Variants in FNDC3A observed in about 807,000 individuals in gnomAD.
The protein encoded by FNDC3A is fibronectin type-III domain-containing protein 3A.
A neutral mutation model predicts 148.9 loss-of-function variants in FNDC3A; 32 were observed. The ratio of observed to expected loss-of-function variants is 0.21; its 90% confidence interval spans 0.16 to 0.29. FNDC3A has a LOEUF of 0.29. Ranked by LOEUF, FNDC3A falls within the 10% of genes least tolerant of loss-of-function variation. The pLI, the probability that FNDC3A is intolerant of heterozygous loss-of-function variation, is 1.00. For missense variants in FNDC3A, 1,191 were observed against 1,452.8 expected (o/e 0.82, Z 2.93); for synonymous variants, 472 against 473.6 (o/e 1.00, Z 0.04).
chr13:49,201,195 G>A (rs142771235), intron 23 of FNDC3A: 105 of 296,452 alleles, frequency 3.5e-4, no homozygotes, highest in African/African-American at 1.9e-3. Flanking sequence ...GGAGAAATAT[G>A]TATGATATTC....
chr13:48,994,646 C>T (rs1951988964), intron 1 of FNDC3A, among the ~76,000 whole-genome samples: 1 of 151,874 alleles, frequency 6.6e-6, no homozygotes, highest in Non-Finnish European at 1.5e-5. Flanking sequence ...GGCGTGGTGG[C>T]GCATGCCTGT....
intron 8 of FNDC3A, among the ~76,000 whole-genome samples, chr13:49,161,198 C>T (rs1467789900): frequency 6.6e-6 from 1 of 152,184 alleles, no homozygotes; most frequent in Non-Finnish European, 1.5e-5. Context: ...TCTTGTTGAT[C>T]TGTCTAATGT....
chr13:49,085,923 C>T (rs1878778401), intron 3 of FNDC3A, among the ~76,000 whole-genome samples: 1 of 151,058 alleles, frequency 6.6e-6, no homozygotes, highest in East Asian at 1.9e-4. Flanking sequence ...TACTGTCTTG[C>T]CCAGGCTGGA....
Position 49,009,007 on chromosome 13 carries a change from G to A in FNDC3A, c.99+2718G>A, listed in dbSNP as rs1413590191. Among the ~76,000 whole-genome samples the A allele has an allele frequency of 2.0e-5, 3 of 152,056 alleles. No individual in the cohort carries two copies. The East Asian group carries it at 5.8e-4, about 29-fold the overall frequency. ...GCGTTATTATTAAGTAAGGTCCATA[G>A]GGTTCACTCTTAGTGTTGTACAACA... On this transcript the variant is annotated intron_variant, in intron 2 of 25. Transcript: ENST00000492622.
In FNDC3A at chr13:49,198,587, A is replaced by C; in HGVS notation, c.2987+13A>C. 1 of 1,585,476 alleles carries C rather than the reference A, an allele frequency of 6.3e-7. No individual in the cohort carries two copies. The highest frequency in any genetic ancestry group is 8.7e-7 in the Non-Finnish European group (1 of 1,154,100). ...ATAAGAATGGACGGTAGGTTTTTTT[A>C]ATTGCTTCTTTATATAGTTTCTTAG... On this transcript the variant is annotated intron_variant, in intron 23 of 25. Transcript: ENST00000492622.
intron 4 of FNDC3A, 64 bp downstream of exon 4, chr13:49,114,795 C>T: frequency 8.8e-7 from 1 of 1,140,450 alleles, no homozygotes; most frequent in Non-Finnish European, 1.3e-6. Context: ...TTCTCTTTGA[C>T]TTTGATTTTG....
At chr13:49,131,029 G>C (rs1404099737) in intron 4 of FNDC3A, 108 bp from the exon 5 acceptor site, 1 of 803,688 alleles carries the variant, frequency 1.2e-6, no homozygotes, top group Admixed American at 2.0e-5. Context: ...GCCTCCCAAA[G>C]TGCTGGGACT....
intron 2 of FNDC3A, among the ~76,000 whole-genome samples, chr13:49,063,460 G>A (rs1276346523): frequency 1.3e-5 from 2 of 152,184 alleles, no homozygotes; most frequent in Non-Finnish European, 2.9e-5. Flanking sequence ...CAGGGTCGAG[G>A]ATTGTAAACC....
intron 10 of FNDC3A, among the ~76,000 whole-genome samples, chr13:49,171,381 T>C (rs1053391330): frequency 4.6e-5 from 7 of 152,204 alleles, no homozygotes; most frequent in Admixed American, 1.3e-4. Flanking sequence ...TATGGAGTTA[T>C]AATAAGAATA....
intron 14 of FNDC3A, among the ~76,000 whole-genome samples, chr13:49,181,551 A>G (rs1885304516): frequency 6.6e-6 from 1 of 152,230 alleles, no homozygotes; most frequent in African/African-American, 2.4e-5. Context: ...TGATGCTTGT[A>G]TGAAGTTCTA....
At chr13:49,091,053 C>G (rs183922980) in intron 3 of FNDC3A, among the ~76,000 whole-genome samples, 1 of 152,170 alleles carries the variant, frequency 6.6e-6, no homozygotes, top group African/African-American at 2.4e-5. Context: ...AAGACATAGG[C>G]TCTCAGAAGA....
At chr13:48,999,689 T>C (rs1341257035) in intron 1 of FNDC3A, among the ~76,000 whole-genome samples, 1 of 152,064 alleles carries the variant, frequency 6.6e-6, no homozygotes. Flanking sequence ...TATTAAGAGG[T>C]GGAGACTTTG....
chr13:49,019,172 T>A (rs957163671), intron 2 of FNDC3A, among the ~76,000 whole-genome samples: 8 of 152,402 alleles, frequency 5.2e-5, no homozygotes, highest in South Asian at 2.1e-4. Context: ...TGAGCAAGCC[T>A]GGGCAATGGC....
chr13:49,191,410 A>C, intron 19 of FNDC3A, 26 bp downstream of exon 19: 1 of 1,522,402 alleles, frequency 6.6e-7, no homozygotes, highest in East Asian at 2.3e-5. Flanking sequence ...TGGTAGAATT[A>C]TAATCACAAT....
chr13:49,099,316 C>T (rs1879720153), intron 3 of FNDC3A, among the ~76,000 whole-genome samples: 1 of 152,072 alleles, frequency 6.6e-6, no homozygotes, highest in Non-Finnish European at 1.5e-5. Context: ...CAAAATAAAT[C>T]ATTCTCTCTT....
intron 2 of FNDC3A, among the ~76,000 whole-genome samples, chr13:49,036,585 C>T (rs1042872430): frequency 2.0e-5 from 3 of 152,104 alleles, no homozygotes; most frequent in Admixed American, 6.6e-5. Context: ...AAAAACAGAT[C>T]GATGTCTAAA....
intron 2 of FNDC3A, among the ~76,000 whole-genome samples, chr13:49,019,776 G>A (rs1350276806): frequency 3.9e-5 from 6 of 152,218 alleles, no homozygotes; most frequent in Admixed American, 3.9e-4. Flanking sequence ...TCATGAGTGA[G>A]ACTGTCCTAT....
Position 49,145,793 on chromosome 13 carries a change from G to A in FNDC3A, c.835G>A (p.Ala279Thr), listed in dbSNP as rs1882959419. 1.2e-6 allele frequency: 2 copies of A among 1,613,694 alleles called. No homozygotes were observed. Among genetic ancestry groups the A allele is most frequent in the Non-Finnish European group, 8.5e-7 (1 of 1,179,862 alleles). ...IVKPVASDIQ[A>T]RTVVLTWSPP... ...ATTTTTACAGGCCTCCGACATCCAGGCAAGGACAGTAGTACTTACCTGGTC... is the reference window on the plus strand; with the variant it reads ...ATTTTTACAGGCCTCCGACATCCAGACAAGGACAGTAGTACTTACCTGGTC... Residue 279 changes from alanine to threonine, a missense_variant, in exon 8 of 26, where the codon GCA becomes ACA. Around this residue, in one of 3 missense-constraint regions of FNDC3A, gnomAD observed 426 missense variants for 473.2 expected, o/e 0.90. Coordinates refer to ENST00000492622, the MANE Select transcript of FNDC3A (RefSeq NM_001079673.2).
At chr13:49,180,536 T>G (rs905602469) in intron 14 of FNDC3A, among the ~76,000 whole-genome samples, 1 of 152,168 alleles carries the variant, frequency 6.6e-6, no homozygotes, top group Non-Finnish European at 1.5e-5. Flanking sequence ...TGTGATGATA[T>G]TGGATTGTAT....
Sources: gnomAD v4.1 joint callset for allele counts (sites outside exome capture counted in the v4.1 genomes callset) on GRCh38, gnomAD v4.1.1 for gene constraint, gnomAD v4.1.1 regional missense constraint, MANE v1.5 for transcripts, NCBI Gene and HGNC (gene_info 2026-07-23, HGNC 2026-07-21) for gene names.